Variants in PARD3 observed in about 807,000 individuals in gnomAD.
PARD3 encodes par-3 family cell polarity regulator, also known as partitioning defective 3 homolog.
Under a neutral mutation model 155.4 loss-of-function variants are expected in PARD3, and 75 were observed. The ratio of observed to expected loss-of-function variants is 0.48; its 90% CI spans 0.40 to 0.58. The LOEUF (loss-of-function observed/expected upper bound fraction) is 0.58. Among genes scored for constraint, PARD3 ranks in the 20% least tolerant of loss-of-function variants. PARD3 has a pLI of 0.00. For synonymous variants in PARD3, 576 were observed against 610.5 expected (o/e 0.94, Z 0.83); for missense variants, 1,642 against 1,721.7 (o/e 0.95, Z 0.82).
chr10:34,621,921 AAC>A (rs1413509638), intron 2 of PARD3, among the ~76,000 whole-genome samples: 2 of 152,250 alleles, frequency 1.3e-5, no homozygotes, highest in East Asian at 3.8e-4. Context: ...CAGAGGTTGT[AAC>A]AGTCCATGTA....
intron 20 of PARD3, among the ~76,000 whole-genome samples, chr10:34,300,617 A>C (rs1263225476): frequency 7.0e-6 from 1 of 142,838 alleles, no homozygotes; most frequent in African/African-American, 2.7e-5. Flanking sequence ...TGGGTGACAG[A>C]GCAAGATCTT....
chr10:34,688,409 G>C (rs1246111868), intron 2 of PARD3, among the ~76,000 whole-genome samples: 2 of 152,222 alleles, frequency 1.3e-5, no homozygotes, highest in African/African-American at 4.8e-5. Flanking sequence ...CATCAGGAAA[G>C]TTCACGTACA....
chr10:34,696,339 A>G lies in PARD3; in HGVS notation c.201T>C (p.Asp67=), dbSNP rs139239713. The change falls in exon 2 of 25, where the codon GAT becomes GAC. Residue 67 remains aspartate (D), a synonymous_variant. Coordinates refer to ENST00000374788, the MANE Select transcript of PARD3 (RefSeq NM_001184785.2). ...TCACTCTGTCTTTATCGTCTGCTAC[A>G]TCACAAAGAATGTCATCAAGGTCTA... ...GILDLDDILC[D]VADDKDRLVA... is the part of the protein sequence containing the mutation. 4.1e-5 allele frequency: 66 copies of G among 1,609,580 alleles called. No individual in the cohort carries two copies. The highest frequency in any genetic ancestry group is 5.2e-5 in the Non-Finnish European group (61 of 1,176,086).
chr10:34,145,219 ATATTT>A lies in PARD3; in HGVS notation c.3420-13641_3420-13637del, dbSNP rs1300177291. On this transcript the variant is annotated intron_variant, in intron 22 of 24. Transcript: ENST00000374788. ...TATATATATATATATATATATATAT[ATATTT>A]TTTTTTTTTTTTTTTTTACAGGATC... Among the ~76,000 whole-genome samples the A allele has an allele frequency of 4.1e-3, 217 of 53,480 alleles. 1 individual carries two copies. The highest frequency in any genetic ancestry group is 0.017 in the African/African-American group (177 of 10,234). 35.1% of individuals were successfully genotyped at this position (53,480 alleles called of 152,430 possible). A position where few individuals can be genotyped will look rare whatever the true frequency, so the allele number is the denominator to read the frequency against.
intron 22 of PARD3, among the ~76,000 whole-genome samples, chr10:34,246,417 C>A (rs1004328840): frequency 1.3e-5 from 2 of 152,144 alleles, no homozygotes; most frequent in African/African-American, 4.8e-5. Context: ...GGGTGCCCCA[C>A]CATCACCTTG....
At chr10:34,261,797 G>GA (rs746040235) in intron 22 of PARD3, among the ~76,000 whole-genome samples, 2 of 57,372 alleles carry the variant, frequency 3.5e-5, no homozygotes, top group Non-Finnish European at 5.8e-5. Context: ...AAGAAAGAAA[G>GA]AAAGAAAGAA....
At position 34,317,301 on chromosome 10, in the gene PARD3, T is replaced by C. The variant is rs528356406; in HGVS notation, c.2871A>G (p.Arg957=). The part of the protein sequence containing the change: ...EDTEESSRSG[R]ESVSTASDQP... ...GATCACTGGCTGTGGATACAGACTC[T>C]CTCCCTGATCTTGAACTTTCTTCTG... Residue 957 remains arginine, a synonymous_variant, in exon 20 of 25, where the codon AGA becomes AGG. Coordinates refer to ENST00000374788, the MANE Select transcript of PARD3 (RefSeq NM_001184785.2). 156 of 1,610,966 alleles carry C rather than the reference T, an allele frequency of 9.7e-5. No homozygotes were observed. The East Asian group carries it at 3.3e-3, about 35-fold the overall frequency.
At chr10:34,209,647 G>A (rs1951644979) in intron 22 of PARD3, among the ~76,000 whole-genome samples, 4 of 152,120 alleles carry the variant, frequency 2.6e-5, no homozygotes, top group Admixed American at 2.6e-4. Flanking sequence ...CCAATTACTA[G>A]CTATGGGGTC....
Position 34,655,157 on chromosome 10 carries a change from T to C in PARD3, c.222+41161A>G, listed in dbSNP as rs1347962368. ...AACACACTTGCTCTGCAATCCTACCTGTGTTATAGTTACAATTTGAAGACG... is the reference window on the plus strand; with the variant it reads ...AACACACTTGCTCTGCAATCCTACCCGTGTTATAGTTACAATTTGAAGACG... On this transcript the variant is annotated intron_variant, in intron 2 of 24. Coordinates refer to ENST00000374788, the MANE Select transcript of PARD3 (RefSeq NM_001184785.2). 3.3e-5 allele frequency among the ~76,000 whole-genome samples: 5 copies of C among 151,650 alleles called. No individual in the cohort carries two copies. In the East Asian group the frequency reaches 7.7e-4, roughly 23 times the overall value.
rs374622481 is a variant in PARD3, at chr10:34,470,225, G to C, written c.442C>G (p.Leu148Val). 6.2e-6 allele frequency: 10 copies of C among 1,612,328 alleles called. No homozygotes were observed. The African/African-American group carries it at 8.0e-5, about 13-fold the overall frequency. ...CTGACAGAAGTGGAGAGGCCAATTAGAGCTGGGTCACTACTGCGTCGAACA... is the reference window on the plus strand; with the variant it reads ...CTGACAGAAGTGGAGAGGCCAATTACAGCTGGGTCACTACTGCGTCGAACA... ...LHVRRSSDPA[L>V]IGLSTSVSDS... The change falls in exon 4 of 25, where the codon CTA becomes GTA. Residue 148 changes from leucine (L) to valine (V), a missense_variant. This residue lies in a region of PARD3 where 1,529 missense variants were observed against 1,587.3 expected (regional missense o/e 0.96). Coordinates refer to ENST00000374788, the MANE Select transcript of PARD3 (RefSeq NM_001184785.2).
At chr10:34,568,671 G>T (rs541557705) in intron 2 of PARD3, among the ~76,000 whole-genome samples, 1 of 152,162 alleles carries the variant, frequency 6.6e-6, no homozygotes, top group Non-Finnish European at 1.5e-5. Context: ...GTTCTCAGAC[G>T]CAGCGATTTC....
chr10:34,565,903 T>C (rs1287797791), intron 2 of PARD3, among the ~76,000 whole-genome samples: 3 of 152,244 alleles, frequency 2.0e-5, no homozygotes, highest in Non-Finnish European at 4.4e-5. Context: ...AAAGTCGTGA[T>C]TCAACTGATT....
chr10:34,419,516 C>CA (rs973170375), intron 5 of PARD3, among the ~76,000 whole-genome samples: 15 of 147,480 alleles, frequency 1.0e-4, no homozygotes, highest in East Asian at 4.0e-4. Context: ...GACTCCGTCT[C>CA]AAAAAAAAAG....
At chr10:34,772,066 A>G (rs1838944593) in intron 1 of PARD3, among the ~76,000 whole-genome samples, 1 of 152,128 alleles carries the variant, frequency 6.6e-6, no homozygotes, top group South Asian at 2.1e-4. Context: ...TGCAAGATGC[A>G]CCCCTCCAGG....
chr10:34,398,285 A>T (rs1420885828), intron 7 of PARD3, among the ~76,000 whole-genome samples: 1 of 151,970 alleles, frequency 6.6e-6, no homozygotes, highest in Non-Finnish European at 1.5e-5. Flanking sequence ...ATACTCATTT[A>T]AAAAAATAAA....
chr10:34,673,984 C>CA (rs200637507), intron 2 of PARD3, among the ~76,000 whole-genome samples: 3,152 of 117,058 alleles, frequency 0.027, 122 homozygotes, highest in African/African-American at 0.098. Context: ...GAGTCTGCAT[C>CA]AAAAAAAAAA....
intron 3 of PARD3, among the ~76,000 whole-genome samples, chr10:34,477,998 ATG>A (rs972100997): frequency 3.9e-5 from 6 of 152,210 alleles, no homozygotes; most frequent in Non-Finnish European, 5.9e-5. Context: ...ACCTTCAGAT[ATG>A]TGTTACTCCT....
rs1372619353 is a variant in PARD3, at chr10:34,605,515, ATATATCTCC to A, written c.223-88365_223-88357del. On this transcript the variant is annotated intron_variant, in intron 2 of 24. Transcript: ENST00000374788. ...GCCAAAAATACTCTTAAATATATAT[ATATATCTCC>A]TATATATATCTCCTATATATATATA... 6.3e-4 allele frequency among the ~76,000 whole-genome samples: 42 copies of A among 66,808 alleles called. 2 individuals are homozygous for A. The highest frequency in any genetic ancestry group is 1.9e-3 in the African/African-American group (41 of 21,062). 43.8% of individuals were successfully genotyped at this position (66,808 alleles called of 152,430 possible).
intron 2 of PARD3, among the ~76,000 whole-genome samples, chr10:34,529,296 C>CTTT (rs1218403141): frequency 6.6e-6 from 1 of 152,142 alleles, no homozygotes; most frequent in Non-Finnish European, 1.5e-5. Context: ...TTCCCTTCCT[C>CTTT]CAAACCACTT....
Sources: allele counts gnomAD v4.1 joint callset (sites outside exome capture counted in the v4.1 genomes callset), GRCh38; gene constraint gnomAD v4.1.1; regional missense constraint gnomAD v4.1.1; transcripts MANE v1.5; gene names NCBI Gene and HGNC (gene_info 2026-07-23, HGNC 2026-07-21).